Variants in SKIC3 observed in about 807,000 individuals in gnomAD.
The protein encoded by SKIC3 is superkiller complex protein 3.
the SKIC3 span, chr5:95,536,797 TATA>T: frequency 5.7e-6 from 9 of 1,581,962 alleles, no homozygotes; most frequent in Admixed American, 1.7e-5. Context: ...GGACACACAC[TATA>T]ATAAGGAAGA....
the SKIC3 span, among the ~76,000 whole-genome samples, chr5:95,508,515 G>A: frequency 6.6e-6 from 1 of 152,144 alleles, no homozygotes. Context: ...TGCCTAGAAT[G>A]GTCCTGCCTA....
chr5:95,470,303 T>C, the SKIC3 span, among the ~76,000 whole-genome samples: 1 of 152,164 alleles, frequency 6.6e-6, no homozygotes, highest in Non-Finnish European at 1.5e-5. Flanking sequence ...ATTGAGTACC[T>C]ATTTGAGCCC....
the SKIC3 span, chr5:95,521,998 A>G: frequency 6.2e-7 from 1 of 1,606,986 alleles, no homozygotes; most frequent in East Asian, 2.2e-5. Flanking sequence ...AAATCTACTC[A>G]AGGATTTTAT....
chr5:95,509,832 G>T, the SKIC3 span: 3 of 641,502 alleles, frequency 4.7e-6, no homozygotes, highest in Admixed American at 4.9e-5. Context: ...ATTTTATCTT[G>T]AATATAATGT....
the SKIC3 span, among the ~76,000 whole-genome samples, chr5:95,545,294 A>G: frequency 1.3e-5 from 2 of 152,058 alleles, no homozygotes; most frequent in South Asian, 2.1e-4. Flanking sequence ...CAAGATTAAT[A>G]CTATCACGTC....
At chr5:95,484,497 T>A in the SKIC3 span, among the ~76,000 whole-genome samples, 25 of 151,922 alleles carry the variant, frequency 1.6e-4, no homozygotes, top group Non-Finnish European at 2.9e-4. Flanking sequence ...CAGGCATGTG[T>A]CACCAGGACC....
chr5:95,534,040 T>C, the SKIC3 span, among the ~76,000 whole-genome samples: 1 of 151,768 alleles, frequency 6.6e-6, no homozygotes, highest in Non-Finnish European at 1.5e-5. Context: ...GAGAAAAGAG[T>C]GAACACCAGC....
chr5:95,490,464 GTATATATATATTCATAAAAATATACA>G, the SKIC3 span, among the ~76,000 whole-genome samples: 1 of 144,920 alleles, frequency 6.9e-6, no homozygotes, highest in Admixed American at 6.9e-5. Context: ...TTTAAATAAT[GTATATATATATTCATAAAAATATACA>G]TATATATATA....
the SKIC3 span, chr5:95,516,535 G>C: frequency 1.2e-6 from 2 of 1,613,166 alleles, no homozygotes; most frequent in South Asian, 1.1e-5. Context: ...AATTTGTTCT[G>C]ACTGGATTGA....
the SKIC3 span, among the ~76,000 whole-genome samples, chr5:95,519,975 T>C: frequency 6.6e-6 from 1 of 152,060 alleles, no homozygotes; most frequent in African/African-American, 2.4e-5. Flanking sequence ...AGGTTTTCAT[T>C]TCATATTTGG....
chr5:95,541,527 C>G, the SKIC3 span: 1 of 810,236 alleles, frequency 1.2e-6, no homozygotes, highest in Non-Finnish European at 2.0e-6. Context: ...TTTCATACTA[C>G]AGTAAAATTT....
chr5:95,484,982 C>T, the SKIC3 span: 4 of 887,248 alleles, frequency 4.5e-6, no homozygotes, highest in African/African-American at 1.7e-5. Flanking sequence ...GCCACATGTA[C>T]CATAGACTAT....
the SKIC3 span, among the ~76,000 whole-genome samples, chr5:95,514,454 A>G: frequency 6.6e-6 from 1 of 152,190 alleles, no homozygotes; most frequent in South Asian, 2.1e-4. Flanking sequence ...GAAACATAAT[A>G]TTCAAAATGA....
At chr5:95,511,015 C>T in the SKIC3 span, among the ~76,000 whole-genome samples, 3 of 152,288 alleles carry the variant, frequency 2.0e-5, no homozygotes, top group East Asian at 3.9e-4. Flanking sequence ...TTTGTGATTG[C>T]TAGGTTCTAA....
the SKIC3 span, among the ~76,000 whole-genome samples, chr5:95,510,543 T>C: frequency 6.6e-6 from 1 of 152,302 alleles, no homozygotes; most frequent in East Asian, 1.9e-4. Flanking sequence ...ATGGATCAGC[T>C]GGCATCACCC....
At chr5:95,488,383 T>C in the SKIC3 span, among the ~76,000 whole-genome samples, 3 of 152,210 alleles carry the variant, frequency 2.0e-5, no homozygotes, top group Non-Finnish European at 4.4e-5. Flanking sequence ...TGGCACACTA[T>C]AGATAACCCA....
chr5:95,469,788 C>A, the SKIC3 span: 7 of 1,614,074 alleles, frequency 4.3e-6, no homozygotes, highest in African/African-American at 1.3e-5. Context: ...ACCTTGCCCC[C>A]ATTTTGCGTT....
At chr5:95,478,205 T>C in the SKIC3 span, 2 of 1,479,894 alleles carry the variant, frequency 1.4e-6, no homozygotes, top group Admixed American at 3.8e-5. Context: ...GGACTTCAAT[T>C]GAATATTACT....
chr5:95,528,179 A>G, the SKIC3 span: 1 of 1,613,398 alleles, frequency 6.2e-7, no homozygotes, highest in Non-Finnish European at 8.5e-7. Flanking sequence ...TATCCAAATG[A>G]AGACAGCCAT....
Sources: gnomAD v4.1 joint callset for allele counts (sites outside exome capture counted in the v4.1 genomes callset) on GRCh38, gnomAD v4.1.1 for gene constraint, MANE v1.5 for transcripts, NCBI Gene and HGNC (gene_info 2026-07-23, HGNC 2026-07-21) for gene names.